MET: variants seen among roughly 807,000 people sequenced by gnomAD.
MET encodes the protein hepatocyte growth factor receptor.
MET carries 48 observed loss-of-function variants against 133.1 expected under a neutral mutation model. The ratio of observed to expected loss-of-function variants is 0.36; its 90% CI spans 0.29 to 0.46. The LOEUF is 0.46. Ranked by LOEUF, MET falls within the 20% of genes least tolerant of loss-of-function variation. The pLI, the probability that MET is intolerant of heterozygous loss-of-function variation, is 1.00. For synonymous variants in MET, 628 were observed against 616.5 expected, an observed-to-expected ratio of 1.02 and a Z score of -0.28; for missense variants, 1,442 against 1,695.9, an observed-to-expected ratio of 0.85 and a Z score of 2.63.
chr7:116,725,465 C>CATATATATATAT (rs71314626), intron 2 of MET, among the ~76,000 whole-genome samples: 2 of 144,916 alleles, frequency 1.4e-5, no homozygotes, highest in African/African-American at 2.5e-5. Context: ...TTATGATATA[C>CATATATATATAT]ATATATATAT....
intron 6 of MET, 96 bp from the exon 7 acceptor site, chr7:116,757,341 G>T: frequency 1.0e-6 from 1 of 961,864 alleles, no homozygotes; most frequent in Non-Finnish European, 1.6e-6. Context: ...AAAGCAGTCA[G>T]CTCACCATTT....
At chr7:116,686,548 G>A (rs1169399730) in intron 1 of MET, among the ~76,000 whole-genome samples, 1 of 152,192 alleles carries the variant, frequency 6.6e-6, no homozygotes, top group African/African-American at 2.4e-5. Flanking sequence ...AGTTCCACAA[G>A]AGCAGGGGTG....
intron 14 of MET, among the ~76,000 whole-genome samples, chr7:116,773,895 A>T (rs933007749): frequency 4.6e-5 from 7 of 152,184 alleles, no homozygotes; most frequent in African/African-American, 1.7e-4. Context: ...CTTCTCTCAG[A>T]TTCTGATTCT....
intron 12 of MET, 79 bp downstream of exon 12, chr7:116,769,870 A>T: frequency 6.3e-7 from 1 of 1,588,918 alleles, no homozygotes; most frequent in Non-Finnish European, 8.6e-7. Flanking sequence ...AAAATAAATC[A>T]TTAAAGCTCA....
At chr7:116,755,009 A>AAAGAAAGAAAGAAAG (rs1491332747) in intron 5 of MET, among the ~76,000 whole-genome samples, 4 of 150,554 alleles carry the variant, frequency 2.7e-5, no homozygotes, top group Admixed American at 6.6e-5. Flanking sequence ...AGAAAGAAAG[A>AAAGAAAGAAAGAAAG]AAGAAAGAAA....
At chr7:116,695,935 C>T (rs1320314120) in intron 1 of MET, 3 of 220,310 alleles carry the variant, frequency 1.4e-5, no homozygotes, top group Non-Finnish European at 1.9e-5. Flanking sequence ...CCCAGTGGCA[C>T]GATCTTGGCT....
intron 10 of MET, among the ~76,000 whole-genome samples, chr7:116,759,839 C>T (rs1457206771): frequency 6.6e-6 from 1 of 152,138 alleles, no homozygotes; most frequent in East Asian, 1.9e-4. Flanking sequence ...TGCAAGGGCA[C>T]GATCTCAGCT....
chr7:116,758,267 A>G lies in MET; in HGVS notation c.2103-192A>G, dbSNP rs188993773. Among the ~76,000 whole-genome samples the G allele has an allele frequency of 3.5e-3, 537 of 152,262 alleles. 1 individual carries two copies. The highest frequency in any genetic ancestry group is 5.5e-3 in the Admixed American group (84 of 15,292). On this transcript the variant is annotated intron_variant, in intron 8 of 20. Coordinates refer to ENST00000397752, the MANE Select transcript of MET (RefSeq NM_000245.4). Reference sequence around the variant, plus strand: ...TCAAATCTCAAATGTTTTCCAGTCAAGGATAGCTTGTCCACAACAAAGGTA... The same window carrying G: ...TCAAATCTCAAATGTTTTCCAGTCAGGGATAGCTTGTCCACAACAAAGGTA...
At position 116,798,328 on chromosome 7, in the gene MET, A is replaced by G. The variant is rs892861856; in HGVS notation, c.*2204A>G. The G allele has an allele frequency of 5.1e-5, 10 of 195,838 alleles. No homozygotes were observed. The highest frequency in any genetic ancestry group is 1.9e-4 in the South Asian group (1 of 5,194). 12.1% of individuals were successfully genotyped at this position (195,838 alleles called of 1,614,324 possible). ...GCAGCTGAACTGAATGGTACTTCGT[A>G]TGTTAATAGTTGTTCTGATAAATCA... On this transcript the variant is annotated 3_prime_UTR_variant, in exon 21 of 21. Coordinates refer to ENST00000397752, the MANE Select transcript of MET (RefSeq NM_000245.4).
intron 1 of MET, among the ~76,000 whole-genome samples, chr7:116,675,833 A>G (rs1381225360): frequency 6.8e-6 from 1 of 147,206 alleles, no homozygotes; most frequent in African/African-American, 2.5e-5. Context: ...TTTCATTCAT[A>G]TGTGTGGGGC....
chr7:116,740,109 C>T (rs780607606), intron 4 of MET, 25 bp downstream of exon 4: 1 of 1,613,718 alleles, frequency 6.2e-7, no homozygotes. Context: ...CAGGGAATTT[C>T]CATAGACGTG....
rs747850853 is a variant in MET at position 116,797,838 on chromosome 7, C to A, written c.*1714C>A. ...GACTTGAAGCCAAGGGTTAACCCAGCAAGCTACAAAGAGGGTGTGTCACAC... is the reference window on the plus strand; with the variant it reads ...GACTTGAAGCCAAGGGTTAACCCAGAAAGCTACAAAGAGGGTGTGTCACAC... On this transcript the variant is annotated 3_prime_UTR_variant, in exon 21 of 21. Coordinates refer to ENST00000397752, the MANE Select transcript of MET (RefSeq NM_000245.4). The A allele has an allele frequency of 1.2e-4, 28 of 224,690 alleles. No homozygotes were observed. Among genetic ancestry groups the A allele is most frequent in the Admixed American group, 3.4e-4 (6 of 17,482 alleles). 13.9% of individuals were successfully genotyped at this position (224,690 alleles called of 1,614,324 possible).
chr7:116,762,818 GCA>G (rs1204121216), intron 10 of MET, among the ~76,000 whole-genome samples: 5 of 152,184 alleles, frequency 3.3e-5, no homozygotes, highest in Non-Finnish European at 7.4e-5. Context: ...AGATAGATCA[GCA>G]CAGTTTATGC....
intron 1 of MET, among the ~76,000 whole-genome samples, chr7:116,693,549 C>G (rs1028312735): frequency 2.6e-5 from 4 of 152,190 alleles, no homozygotes; most frequent in Non-Finnish European, 5.9e-5. Context: ...AACCTAGGCC[C>G]TCTCCAGTGT....
chr7:116,792,208 T>C (rs945192841), intron 19 of MET, among the ~76,000 whole-genome samples: 6 of 152,248 alleles, frequency 3.9e-5, no homozygotes, highest in African/African-American at 1.4e-4. Flanking sequence ...GTCTATCACT[T>C]TTCATAGCTT....
intron 1 of MET, among the ~76,000 whole-genome samples, chr7:116,687,125 C>T (rs1796590689): frequency 6.6e-6 from 1 of 152,196 alleles, no homozygotes; most frequent in South Asian, 2.1e-4. Flanking sequence ...CTTGCCCTCT[C>T]TTCTCTCTTC....
chr7:116,791,850 A>G (rs961575767), intron 19 of MET, among the ~76,000 whole-genome samples: 2 of 152,010 alleles, frequency 1.3e-5, no homozygotes, highest in Non-Finnish European at 2.9e-5. Flanking sequence ...TTTTTAGTAG[A>G]GACAGGGTTT....
chr7:116,692,570 A>G (rs753987432), intron 1 of MET, among the ~76,000 whole-genome samples: 1 of 152,230 alleles, frequency 6.6e-6, no homozygotes, highest in African/African-American at 2.4e-5. Context: ...AATGTAAGCT[A>G]GTTGAATGAG....
rs907678968 is a variant in MET, at chr7:116,682,091, A to G, written c.-15+9514A>G. Among the ~76,000 whole-genome samples the G allele has an allele frequency of 6.6e-5, 10 of 152,208 alleles. 1 individual carries two copies. Among genetic ancestry groups the G allele is most frequent in the African/African-American group, 1.9e-4 (8 of 41,444 alleles). On this transcript the variant is annotated intron_variant, in intron 1 of 20. Transcript: ENST00000397752. ...TATTGTTCATTGAAATCTGTACGTC[A>G]AGGCCCAGTGATTTTAAACATTCTT...
Sources: gnomAD v4.1 joint callset for allele counts (sites outside exome capture counted in the v4.1 genomes callset) on GRCh38, gnomAD v4.1.1 for gene constraint, MANE v1.5 for transcripts, NCBI Gene and HGNC (gene_info 2026-07-23, HGNC 2026-07-21) for gene names.